CAGE1: variants seen among roughly 807,000 people sequenced by gnomAD.
CAGE1 encodes cancer-associated gene 1 protein.
A neutral mutation model predicts 94.9 loss-of-function variants in CAGE1; 66 were observed. The observed-to-expected ratio is 0.70, with a 90% CI of 0.57 to 0.85. The LOEUF (loss-of-function observed/expected upper bound fraction) is 0.85. Among genes scored for constraint, CAGE1 ranks in the 40% least tolerant of loss-of-function variants. CAGE1 has a pLI of 0.00. For missense variants in CAGE1, 865 were observed against 950.4 expected, an observed-to-expected ratio of 0.91 and a Z score of 1.18; for synonymous variants, 319 against 321.0, an observed-to-expected ratio of 0.99 and a Z score of 0.07.
intron 9 of CAGE1, among the ~76,000 whole-genome samples, chr6:7,358,349 T>G (rs950840433): frequency 5.3e-5 from 8 of 152,126 alleles, no homozygotes; most frequent in African/African-American, 1.9e-4. Context: ...TCTTCTATGT[T>G]GCATGTGTTT....
At chr6:7,370,346 T>G (rs1435124768) in intron 5 of CAGE1, among the ~76,000 whole-genome samples, 8 of 152,146 alleles carry the variant, frequency 5.3e-5, no homozygotes, top group African/African-American at 1.7e-4. Flanking sequence ...CAGGCTGGAG[T>G]GCAGTAGTGT....
rs550099097 is a variant in CAGE1, at chr6:7,326,697, G to A, written c.*161C>T. 9.4e-6 allele frequency: 6 copies of A among 637,916 alleles called. No homozygotes were observed. The Admixed American group carries it at 1.8e-4, about 19-fold the overall frequency. 39.5% of individuals were successfully genotyped at this position (637,916 alleles called of 1,614,324 possible). A position where few individuals can be genotyped will look rare whatever the true frequency, so the allele number is the denominator to read the frequency against. ...GAATATATTTGATTATTCACAGGAA[G>A]AAATTAGAAGAAAAGTAATCACATC... is the stretch of plus-strand genomic sequence containing the variant. On this transcript the variant is annotated 3_prime_UTR_variant, in exon 14 of 14. Coordinates refer to ENST00000502583, the MANE Select transcript of CAGE1 (RefSeq NM_001170692.2).
In CAGE1 at chr6:7,365,804, CT is replaced by C. The variant is rs1260666315; in HGVS notation, c.2084del (p.Lys695ArgfsTer3). The C allele has an allele frequency of 2.1e-5, 32 of 1,511,878 alleles. No individual in the cohort carries two copies. Among genetic ancestry groups the C allele is most frequent in the Non-Finnish European group, 2.8e-5 (31 of 1,116,006 alleles). 93.7% of individuals were successfully genotyped at this position (1,511,878 alleles called of 1,614,324 possible). On this transcript the variant is annotated frameshift_variant and splice_region_variant, in exon 8 of 14. Coordinates refer to ENST00000502583, the MANE Select transcript of CAGE1 (RefSeq NM_001170692.2). LOFTEE classifies it high-confidence loss of function. The stretch of plus-strand genomic sequence containing the variant: ...AGTACGTAGTAAATATTAAGCTCAC[CT>C]TAATAGCATGATCTTGAAATGCTTT... The part of the protein sequence containing the change: ...KEKAFQDHAI[K>X]VIDCDSDEAK...
At chr6:7,345,454 C>T (rs954221246) in intron 11 of CAGE1, among the ~76,000 whole-genome samples, 4 of 152,146 alleles carry the variant, frequency 2.6e-5, no homozygotes, top group Admixed American at 1.3e-4. Flanking sequence ...TGAAGTGAGA[C>T]CAAGTAGCCC....
At chr6:7,344,232 G>C (rs536146322) in intron 11 of CAGE1, among the ~76,000 whole-genome samples, 1 of 152,088 alleles carries the variant, frequency 6.6e-6, no homozygotes, top group Non-Finnish European at 1.5e-5. Flanking sequence ...AGGCGCCAGC[G>C]GGAACCGGGG....
chr6:7,331,357 C>T (rs1373706566), intron 12 of CAGE1: 2 of 1,028,182 alleles, frequency 1.9e-6, no homozygotes, highest in Admixed American at 2.5e-5. Flanking sequence ...AAGGCAAATC[C>T]CAGGACAGCA....
chr6:7,347,516 T>TGGGGGGGGGGGGG (rs1292213281), intron 11 of CAGE1: 4 of 7,536 alleles, frequency 5.3e-4, no homozygotes, highest in African/African-American at 1.1e-3. Context: ...GGGGGGGGGT[T>TGGGGGGGGGGGGG]GGGGGGGGCG....
intron 3 of CAGE1, 23 bp downstream of exon 3, chr6:7,385,762 A>T: frequency 7.0e-7 from 1 of 1,437,496 alleles, no homozygotes; most frequent in Non-Finnish European, 9.4e-7. Context: ...TCTTTTGCAT[A>T]TTGCTAACAA....
At chr6:7,376,646 T>C (rs1468449579) in intron 4 of CAGE1, among the ~76,000 whole-genome samples, 3 of 152,090 alleles carry the variant, frequency 2.0e-5, no homozygotes, top group Non-Finnish European at 4.4e-5. Context: ...ACTAAAGCAG[T>C]ATCTGACCCA....
At chr6:7,340,828 C>T in intron 11 of CAGE1, 1 of 410,034 alleles carries the variant, frequency 2.4e-6, no homozygotes, top group South Asian at 2.2e-5. Flanking sequence ...CTTCCAACTG[C>T]TTCACTAGCA....
intron 3 of CAGE1, among the ~76,000 whole-genome samples, chr6:7,384,478 A>G (rs563907033): frequency 1.1e-4 from 17 of 152,194 alleles, no homozygotes; most frequent in South Asian, 2.1e-4. Context: ...AAACATGATC[A>G]GTGTAGGGCC....
At chr6:7,372,462 C>A (rs1394759887) in intron 5 of CAGE1, among the ~76,000 whole-genome samples, 1 of 113,422 alleles carries the variant, frequency 8.8e-6, no homozygotes, top group African/African-American at 4.7e-5. Context: ...CAGAGCAATA[C>A]TGTCTCAAAA....
In CAGE1 at chr6:7,345,069, G is replaced by C. The variant is rs561679584; in HGVS notation, c.2369+9972C>G. 1.4e-4 allele frequency among the ~76,000 whole-genome samples: 21 copies of C among 151,962 alleles called. No individual in the cohort carries two copies. The South Asian group carries it at 2.3e-3, about 17-fold the overall frequency. On this transcript the variant is annotated intron_variant, in intron 11 of 13. Coordinates refer to ENST00000502583, the MANE Select transcript of CAGE1 (RefSeq NM_001170692.2). ...CAGCGGCAGATGGCTGGTGTTGAAA[G>C]CTTTGTTCTTTCACCCTGCAGTAAA...
rs1759080469 is a variant in CAGE1 at position 7,339,283 on chromosome 6, G to A, written c.2370-5193C>T. On this transcript the variant is annotated intron_variant, in intron 11 of 13. Coordinates refer to ENST00000502583, the MANE Select transcript of CAGE1 (RefSeq NM_001170692.2). The surrounding 1 kb of genome is among the most constrained non-coding windows in gnomAD (Gnocchi z 4.7). ...GACTCTGCCTGGGCAATGGCACACA[G>A]ACCCCTAGTGGCCACCTCTTCAGCA... The A allele has an allele frequency of 3.2e-6, 5 of 1,586,156 alleles. No individual in the cohort carries two copies. Among genetic ancestry groups the A allele is most frequent in the Non-Finnish European group, 4.3e-6 (5 of 1,155,400 alleles).
At chr6:7,347,221 G>A (rs1170640311) in intron 11 of CAGE1, among the ~76,000 whole-genome samples, 1 of 152,110 alleles carries the variant, frequency 6.6e-6, no homozygotes, top group Non-Finnish European at 1.5e-5. Context: ...CCCTCTGAAG[G>A]AAGCGGACTG....
At chr6:7,366,876 G>A (rs1403637204) in intron 7 of CAGE1, among the ~76,000 whole-genome samples, 1 of 151,982 alleles carries the variant, frequency 6.6e-6, no homozygotes, top group East Asian at 1.9e-4. Context: ...TGTTATTACA[G>A]TCAGGCTATT....
In CAGE1 at chr6:7,385,824, A is replaced by G. The variant is rs879219864; in HGVS notation, c.244T>C (p.Cys82Arg). 6.5e-7 allele frequency: 1 copy of G among 1,545,230 alleles called. No individual in the cohort carries two copies. The highest frequency in any genetic ancestry group is 8.7e-7 in the Non-Finnish European group (1 of 1,144,612). The change falls in exon 3 of 14, where the codon TGT (cysteine) becomes CGT (arginine). Residue 82 changes from cysteine to arginine, a missense_variant. Coordinates refer to ENST00000502583, the MANE Select transcript of CAGE1 (RefSeq NM_001170692.2). ...TCTAGTGTGCCATAAGCATCTTCAC[A>G]AAGTGTGGATTCATACTCATTTTCC... is the stretch of plus-strand genomic sequence containing the variant. The part of the protein sequence containing the change: ...ERENEYESTL[C>R]EDAYGTLDNL...
At chr6:7,343,605 G>A (rs951935372) in intron 11 of CAGE1, among the ~76,000 whole-genome samples, 3 of 152,202 alleles carry the variant, frequency 2.0e-5, no homozygotes, top group Non-Finnish European at 4.4e-5. Context: ...TTGTCTGTAG[G>A]AGATATGGCA....
Position 7,339,091 on chromosome 6 carries a change from T to C in CAGE1, c.2370-5001A>G. On this transcript the variant is annotated intron_variant, in intron 11 of 13. Transcript: ENST00000502583. The surrounding 1 kb of genome is among the most constrained non-coding windows in gnomAD (Gnocchi z 4.7). Reference sequence around the variant, plus strand: ...ACGTAGTAGTTAACAGGGTCTCTGCTGTGGATCATCAGGCCGTCCACAAAC... The same window carrying C: ...ACGTAGTAGTTAACAGGGTCTCTGCCGTGGATCATCAGGCCGTCCACAAAC... 9 of 1,597,616 alleles carry C rather than the reference T, an allele frequency of 5.6e-6. No homozygotes were observed. Among genetic ancestry groups the C allele is most frequent in the East Asian group, 2.2e-5 (1 of 44,812 alleles).
Sources: allele counts gnomAD v4.1 joint callset (sites outside exome capture counted in the v4.1 genomes callset), GRCh38; gene constraint gnomAD v4.1.1; non-coding constraint Gnocchi (gnomAD v3.1); transcripts MANE v1.5; gene names NCBI Gene and HGNC (gene_info 2026-07-23, HGNC 2026-07-21).